GNAS-AS1: variants seen among roughly 807,000 people sequenced by gnomAD.
GNAS-AS1 encodes the protein GNAS antisense RNA 1, also known as GNAS antisense RNA 1 (non-protein coding).
Position 58,840,880 on chromosome 20 carries a change from G to T in GNAS-AS1, n.819+1057C>A, listed in dbSNP as rs769227032. The T allele has an allele frequency of 6.2e-7, 1 of 1,612,568 alleles. No individual in the cohort carries two copies. On this transcript the variant is annotated intron_variant and non_coding_transcript_variant, in intron 4 of 4. Transcript: ENST00000424094. The surrounding 1 kb of genome is among the most constrained non-coding windows in gnomAD (Gnocchi z 6.0). ...CGTCCAGATTCTCCTTGTTTTCATG[G>T]ATTCAGGTTAGTTGCCCACCGCTAA... is the stretch of plus-strand genomic sequence containing the variant.
At chr20:58,846,291 C>T (rs2085937380) in intron 2 of GNAS-AS1, among the ~76,000 whole-genome samples, 2 of 152,076 alleles carry the variant, frequency 1.3e-5, no homozygotes, top group Admixed American at 1.3e-4. Flanking sequence ...TATCTGGTGG[C>T]TAAGGGGGTT....
intron 4 of GNAS-AS1, among the ~76,000 whole-genome samples, chr20:58,821,005 G>A (rs1056506622): frequency 1.1e-4 from 17 of 152,112 alleles, no homozygotes; most frequent in African/African-American, 3.9e-4. Context: ...TGCTCTCCCC[G>A]CTCTCTTCTT....
At chr20:58,830,496 C>T (rs1196880880) in intron 4 of GNAS-AS1, among the ~76,000 whole-genome samples, 5 of 120,384 alleles carry the variant, frequency 4.2e-5, no homozygotes, top group East Asian at 2.8e-4. Context: ...ACCACCATCA[C>T]CACCACACCA....
chr20:58,819,284 A>G (rs1175538123), intron 4 of GNAS-AS1: 19 of 398,596 alleles, frequency 4.8e-5, no homozygotes, highest in East Asian at 1.4e-4. Context: ...TGGAATAAAA[A>G]CAAAGAGAAA....
Position 58,840,741 on chromosome 20 carries a change from A to G in GNAS-AS1, n.819+1196T>C. 4 of 1,605,590 alleles carry G rather than the reference A, an allele frequency of 2.5e-6. No homozygotes were observed. Among genetic ancestry groups the G allele is most frequent in the Non-Finnish European group, 3.4e-6 (4 of 1,179,522 alleles). ...CCCGAAGAGTCGAAGGAGCCCAAGG[A>G]GGAGAAGCAGCGGCGTCGCTGCAAG... On this transcript the variant is annotated intron_variant and non_coding_transcript_variant, in intron 4 of 4. Coordinates refer to ENST00000424094, the Ensembl canonical transcript of GNAS-AS1. This position sits in a 1 kb window ranked among gnomAD's most constrained non-coding sequence, Gnocchi z 6.0.
chr20:58,838,898 C>A (rs889479881), intron 4 of GNAS-AS1: 78 of 350,734 alleles, frequency 2.2e-4, no homozygotes, highest in African/African-American at 2.0e-3. Flanking sequence ...GCTTGGGTGA[C>A]AGAGCAAGAT....
At chr20:58,824,963 G>C (rs2085510024) in intron 4 of GNAS-AS1, among the ~76,000 whole-genome samples, 1 of 152,208 alleles carries the variant, frequency 6.6e-6, no homozygotes, top group Admixed American at 6.5e-5. Context: ...CACTGCTTCA[G>C]AGCATGCCAG....
chr20:58,841,675 A>C lies in GNAS-AS1; in HGVS notation n.819+262T>G. The C allele has an allele frequency of 1.7e-5, 20 of 1,157,748 alleles. No homozygotes were observed. The highest frequency in any genetic ancestry group is 3.5e-4 in the Middle Eastern group (1 of 2,840). 71.7% of individuals were successfully genotyped at this position (1,157,748 alleles called of 1,614,324 possible). On this transcript the variant is annotated intron_variant and non_coding_transcript_variant, in intron 4 of 4. Coordinates refer to ENST00000424094, the Ensembl canonical transcript of GNAS-AS1. This position sits in a 1 kb window ranked among gnomAD's most constrained non-coding sequence, Gnocchi z 5.0. ...CGGTTAGGGGAAAGTACCTGGGGGA[A>C]AGGTAGAGGAGGTAAGGGGACCCTT... is the stretch of plus-strand genomic sequence containing the variant.
chr20:58,839,548 C>G, intron 4 of GNAS-AS1: 1 of 405,790 alleles, frequency 2.5e-6, no homozygotes, highest in Non-Finnish European at 4.3e-6. Flanking sequence ...ACCCGCCAGG[C>G]CCCCCGCCCA....
chr20:58,824,336 T>C lies in GNAS-AS1; in HGVS notation n.820-5081A>G, dbSNP rs184756009. On this transcript the variant is annotated intron_variant and non_coding_transcript_variant, in intron 4 of 4. Transcript: ENST00000424094. ...AACAACAAGTTTAAAAATACACATG[T>C]GAAAAATTGTTCAACAAATATTTAC... 3.3e-5 allele frequency among the ~76,000 whole-genome samples: 5 copies of C among 152,376 alleles called. No homozygotes were observed. The East Asian group carries it at 9.6e-4, about 29-fold the overall frequency.
At chr20:58,819,407 C>T (rs1316875483) in intron 4 of GNAS-AS1, among the ~76,000 whole-genome samples, 3 of 152,234 alleles carry the variant, frequency 2.0e-5, no homozygotes, top group African/African-American at 4.8e-5. Context: ...ACGGCCAGAA[C>T]GGCCATCAGT....
At chr20:58,848,953 A>C (rs1323631637) in intron 1 of GNAS-AS1, 3 of 398,436 alleles carry the variant, frequency 7.5e-6, no homozygotes, top group African/African-American at 2.1e-5. Context: ...AAAAGGGGGA[A>C]TATCAGGGTT....
intron 4 of GNAS-AS1, among the ~76,000 whole-genome samples, chr20:58,831,897 G>A (rs1465879031): frequency 2.0e-5 from 3 of 152,178 alleles, no homozygotes; most frequent in Non-Finnish European, 2.9e-5. Context: ...TCCCTCCCCT[G>A]AATAAATTTG....
At chr20:58,843,945 TG>T (rs2085842043) in intron 2 of GNAS-AS1, 1 of 152,220 alleles carries the variant, frequency 6.6e-6, no homozygotes, top group South Asian at 2.1e-4. Flanking sequence ...GGGATTGTTT[TG>T]AGATGTTTCT....
At chr20:58,850,418 T>C (rs2086111949) in intron 1 of GNAS-AS1, 1 of 397,506 alleles carries the variant, frequency 2.5e-6, no homozygotes. Flanking sequence ...CCTGAACCCG[T>C]TCCTCGACAA....
intron 4 of GNAS-AS1, among the ~76,000 whole-genome samples, chr20:58,819,817 T>C (rs537261535): frequency 6.6e-6 from 1 of 152,274 alleles, no homozygotes; most frequent in South Asian, 2.1e-4. Context: ...CCCATCTACC[T>C]CTGGTCCCAA....
chr20:58,847,766 T>C (rs1165016565), intron 2 of GNAS-AS1, among the ~76,000 whole-genome samples: 1 of 152,168 alleles, frequency 6.6e-6, no homozygotes, highest in Non-Finnish European at 1.5e-5. Context: ...CCCTTCCCTC[T>C]CTCTACTTTG....
intron 2 of GNAS-AS1, among the ~76,000 whole-genome samples, chr20:58,848,528 CA>C (rs1221099160): frequency 6.6e-6 from 1 of 152,228 alleles, no homozygotes; most frequent in Non-Finnish European, 1.5e-5. Flanking sequence ...TGCTATTATA[CA>C]ATTATAATGG....
At chr20:58,847,451 A>C (rs1404639757) in intron 2 of GNAS-AS1, among the ~76,000 whole-genome samples, 1 of 152,256 alleles carries the variant, frequency 6.6e-6, no homozygotes, top group Non-Finnish European at 1.5e-5. Context: ...TTGATTGAAA[A>C]GTAATTAATT....
Sources: gnomAD v4.1 joint callset for allele counts (sites outside exome capture counted in the v4.1 genomes callset) on GRCh38, gnomAD v4.1.1 for gene constraint, Gnocchi (gnomAD v3.1) non-coding constraint, MANE v1.5 for transcripts, NCBI Gene and HGNC (gene_info 2026-07-23, HGNC 2026-07-21) for gene names.